The following ACTN1 variants were observed in gnomAD, a reference collection of about 807,000 sequenced individuals.
ACTN1 encodes actinin alpha 1.
Under a neutral mutation model 119.6 loss-of-function variants are expected in ACTN1, and 30 were observed. That is an observed-to-expected ratio of 0.25 (90% CI 0.19 to 0.34). The LOEUF (loss-of-function observed/expected upper bound fraction) is 0.34, where lower values mean the gene tolerates loss of function less well. Among genes scored for constraint, ACTN1 ranks in the 10% least tolerant of loss-of-function variants. The pLI, the probability that ACTN1 is intolerant of heterozygous loss-of-function variation, is 1.00. For missense variants in ACTN1, 764 were observed against 1,223.4 expected (o/e 0.62, Z 5.60); for synonymous variants, 429 against 472.6 (o/e 0.91, Z 1.20).
intron 1 of ACTN1, among the ~76,000 whole-genome samples, chr14:68,940,846 T>A (rs1467284279): frequency 6.6e-6 from 1 of 151,990 alleles, no homozygotes; most frequent in Non-Finnish European, 1.5e-5. Context: ...AAGAAAGAGA[T>A]CCTGCTTGGA....
At chr14:68,887,822 G>C in intron 11 of ACTN1, 1 of 869,460 alleles carries the variant, frequency 1.2e-6, no homozygotes, top group Non-Finnish European at 2.0e-6. Context: ...TGCTTCATCA[G>C]AGGCTGGACT....
rs1566626195 is a variant in ACTN1 at position 68,909,313 on chromosome 14, C to T, written c.594+5G>A. ...CAAAGCGGGTGGTCAGGTGGGCACA[C>T]ATACCTTCCGCAGCTTCCCGTAGTC... On this transcript the variant is annotated splice_donor_5th_base_variant and intron_variant, in intron 6 of 21. Coordinates refer to ENST00000394419, the MANE Select transcript of ACTN1 (RefSeq NM_001130004.2). The surrounding 1 kb of genome is among the most constrained non-coding windows in gnomAD (Gnocchi z 4.1). The T allele has an allele frequency of 8.7e-6, 14 of 1,613,872 alleles. No homozygotes were observed. Among genetic ancestry groups the T allele is most frequent in the Non-Finnish European group, 1.1e-5 (13 of 1,179,966 alleles).
rs756683917 is a variant in ACTN1 at position 68,909,293 on chromosome 14, C to G, written c.594+25G>C. 3 of 1,611,566 alleles carry G rather than the reference C, an allele frequency of 1.9e-6. No individual in the cohort carries two copies. The South Asian group carries it at 3.3e-5, about 18-fold the overall frequency. On this transcript the variant is annotated intron_variant, in intron 6 of 21. Transcript: ENST00000394419. This position sits in a 1 kb window ranked among gnomAD's most constrained non-coding sequence, Gnocchi z 4.1. ...CACCCCACCTGCCAGGGACCCAAAG[C>G]GGGTGGTCAGGTGGGCACACATACC...
chr14:68,895,315 A>G (rs1257464173), intron 8 of ACTN1, among the ~76,000 whole-genome samples: 4 of 152,088 alleles, frequency 2.6e-5, no homozygotes, highest in African/African-American at 9.7e-5. Flanking sequence ...TCTCACCCAC[A>G]ACTCCTGACT....
chr14:68,899,065 TCA>T (rs1335574616), intron 8 of ACTN1, among the ~76,000 whole-genome samples: 11 of 63,796 alleles, frequency 1.7e-4, no homozygotes, highest in Non-Finnish European at 2.4e-4. Flanking sequence ...CACACACACC[TCA>T]CACACCACAC....
At chr14:68,911,807 G>A (rs932736105) in intron 4 of ACTN1, among the ~76,000 whole-genome samples, 3 of 152,192 alleles carry the variant, frequency 2.0e-5, no homozygotes, top group East Asian at 1.9e-4. Flanking sequence ...AGTGGAGGAC[G>A]GGGTTAGCGC....
chr14:68,899,450 TACACACCACACTCCACATAC>T (rs2033153312), intron 8 of ACTN1, among the ~76,000 whole-genome samples: 2 of 113,520 alleles, frequency 1.8e-5, no homozygotes, highest in East Asian at 5.1e-4. Context: ...ACACACACCT[TACACACCACACTCCACATAC>T]ACACACCACA....
Position 68,893,647 on chromosome 14 carries a change from G to T in ACTN1, c.855+8C>A, listed in dbSNP as rs759027804. 2 of 1,613,696 alleles carry T rather than the reference G, an allele frequency of 1.2e-6. No individual in the cohort carries two copies. Among genetic ancestry groups the T allele is most frequent in the South Asian group, 2.2e-5 (2 of 91,056 alleles). Reference sequence around the variant, plus strand: ...AGAGTCAGGCCAGGTGAACCCGGGGGTACCCACATCACTGGCCAGCTTCTC... The same window carrying T: ...AGAGTCAGGCCAGGTGAACCCGGGGTTACCCACATCACTGGCCAGCTTCTC... On this transcript the variant is annotated splice_region_variant and intron_variant, in intron 9 of 21. Transcript: ENST00000394419.
rs1244220127 is a variant in ACTN1 at position 68,925,582 on chromosome 14, T to C, written c.196A>G (p.Met66Val). ...CCTGAGATGACCTCCAGCAGCAGCA[T>C]GAGCTTCAGGCCATCCCGGAAGTCC... Reference protein sequence around the residue: ...EEDFRDGLKLMLLLEVISGER... With the variant: ...EEDFRDGLKLVLLLEVISGER... Residue 66 changes from methionine (M) to valine (V), a missense_variant, in exon 2 of 22, where the codon ATG becomes GTG. Around this residue, in one of 4 missense-constraint regions of ACTN1, gnomAD observed 54 missense variants for 153.2 expected, o/e 0.35. Coordinates refer to ENST00000394419, the MANE Select transcript of ACTN1 (RefSeq NM_001130004.2). The surrounding 1 kb of genome is among the most constrained non-coding windows in gnomAD (Gnocchi z 4.3). 1 of 1,610,806 alleles carries C rather than the reference T, an allele frequency of 6.2e-7. No homozygotes were observed.
intron 1 of ACTN1, among the ~76,000 whole-genome samples, chr14:68,929,049 G>A (rs2035082967): frequency 1.3e-5 from 2 of 151,678 alleles, no homozygotes; most frequent in Non-Finnish European, 2.9e-5. Flanking sequence ...CGTGGGAGAG[G>A]GCTGGAACTG....
chr14:68,915,605 C>T (rs1452393840), intron 3 of ACTN1, among the ~76,000 whole-genome samples: 4 of 152,248 alleles, frequency 2.6e-5, no homozygotes, highest in African/African-American at 9.6e-5. Context: ...TGAACAAACA[C>T]TAACCACAAG....
chr14:68,911,368 C>A (rs1248336352), intron 4 of ACTN1, among the ~76,000 whole-genome samples: 3 of 152,218 alleles, frequency 2.0e-5, no homozygotes, highest in African/African-American at 7.2e-5. Flanking sequence ...CCCCAGGTGA[C>A]TACTATGACC....
intron 7 of ACTN1, among the ~76,000 whole-genome samples, chr14:68,903,749 G>T (rs900144892): frequency 6.6e-6 from 1 of 152,066 alleles, no homozygotes; most frequent in Admixed American, 6.6e-5. Flanking sequence ...CCCCAGCCTG[G>T]AGCTGCCAGC....
chr14:68,978,741 G>A, intron 1 of ACTN1: 1 of 372,656 alleles, frequency 2.7e-6, no homozygotes. Context: ...GCTCCGGCCC[G>A]GCGTTCCCGG....
chr14:68,912,130 CG>C, intron 4 of ACTN1, 25 bp downstream of exon 4: 1 of 1,608,340 alleles, frequency 6.2e-7, no homozygotes, highest in Non-Finnish European at 8.5e-7. Flanking sequence ...ATGGTGATGG[CG>C]GGATGGAACA....
At chr14:68,978,850 C>T (rs2037163314) in intron 1 of ACTN1, 102 bp downstream of exon 1, 2 of 764,188 alleles carry the variant, frequency 2.6e-6, no homozygotes, top group Non-Finnish European at 3.8e-6. Flanking sequence ...CGTGCGCGCC[C>T]GGAACCGGTT....
intron 8 of ACTN1, among the ~76,000 whole-genome samples, chr14:68,900,212 G>C (rs2033219593): frequency 6.6e-6 from 1 of 152,056 alleles, no homozygotes; most frequent in Non-Finnish European, 1.5e-5. Flanking sequence ...CTTCCCCAAG[G>C]GCACTTCTAC....
At chr14:68,919,674 C>G (rs138192840) in intron 3 of ACTN1, among the ~76,000 whole-genome samples, 1 of 152,250 alleles carries the variant, frequency 6.6e-6, no homozygotes, top group South Asian at 2.1e-4. Flanking sequence ...AGGCACCTTG[C>G]GTGACCACCT....
intron 3 of ACTN1, among the ~76,000 whole-genome samples, chr14:68,916,353 A>G (rs893623620): frequency 2.0e-5 from 3 of 152,116 alleles, no homozygotes; most frequent in Non-Finnish European, 4.4e-5. Flanking sequence ...GGACTGGGAG[A>G]GGCAGGTGGC....
Sources: gnomAD v4.1 joint callset for allele counts (sites outside exome capture counted in the v4.1 genomes callset) on GRCh38, gnomAD v4.1.1 for gene constraint, gnomAD v4.1.1 regional missense constraint, Gnocchi (gnomAD v3.1) non-coding constraint, MANE v1.5 for transcripts, NCBI Gene and HGNC (gene_info 2026-07-23, HGNC 2026-07-21) for gene names.